Variants in EEA1 observed in about 807,000 individuals in gnomAD.
The protein encoded by EEA1 is early endosome antigen 1, 162kD.
Under a neutral mutation model 209.2 loss-of-function variants are expected in EEA1, and 111 were observed. The observed-to-expected ratio is 0.53, with a 90% CI of 0.45 to 0.62. EEA1 has a LOEUF of 0.62. EEA1 is among the 20% of genes least tolerant of loss of function. EEA1 has a pLI of 0.00. For synonymous variants in EEA1, 536 were observed against 540.6 expected (o/e 0.99, Z 0.12); for missense variants, 1,343 against 1,530.8 (o/e 0.88, Z 2.05).
chr12:92,888,970 T>C (rs1027121993), intron 2 of EEA1, among the ~76,000 whole-genome samples: 27 of 151,826 alleles, frequency 1.8e-4, no homozygotes, highest in African/African-American at 6.1e-4. Context: ...GTCAACATGG[T>C]GAAACCCTGT....
Position 92,857,441 on chromosome 12 carries a change from G to T in EEA1, c.290C>A (p.Ala97Asp). The T allele has an allele frequency of 1.3e-6, 2 of 1,597,600 alleles. No individual in the cohort carries two copies. The highest frequency in any genetic ancestry group is 1.2e-5 in the South Asian group (1 of 86,670). Residue 97 changes from alanine (A) to aspartate (D), a missense_variant, in exon 4 of 29, where the codon GCT becomes GAT. Around this residue, in one of 3 missense-constraint regions of EEA1, gnomAD observed 1,307 missense variants for 1,465.5 expected, o/e 0.89. Coordinates refer to ENST00000322349, the MANE Select transcript of EEA1 (RefSeq NM_003566.4). ...AATTTTTATTCTTACCTTAAGTGAA[G>T]CCTGTAGGTCTTGGACCTCTTGTCT... is the stretch of plus-strand genomic sequence containing the variant. ...LLRQEVQDLQ[A>D]SLKEEKWYSE...
chr12:92,926,036 C>A (rs1881201272), intron 1 of EEA1, among the ~76,000 whole-genome samples: 1 of 149,266 alleles, frequency 6.7e-6, no homozygotes, highest in African/African-American at 2.5e-5. Flanking sequence ...TCTTGTTGCT[C>A]AGGCTGGAGT....
At chr12:92,820,642 C>G (rs1418836880) in intron 13 of EEA1, among the ~76,000 whole-genome samples, 1 of 152,050 alleles carries the variant, frequency 6.6e-6, no homozygotes, top group Admixed American at 6.6e-5. Flanking sequence ...ATACCTAATG[C>G]ATGCGGGGCT....
chr12:92,907,933 C>T (rs780714636), intron 1 of EEA1, among the ~76,000 whole-genome samples: 36 of 152,254 alleles, frequency 2.4e-4, no homozygotes, highest in Non-Finnish European at 3.7e-4. Flanking sequence ...CACACCACTG[C>T]GCTCCAGCCT....
At chr12:92,848,771 C>T (rs1245728577) in intron 9 of EEA1, among the ~76,000 whole-genome samples, 1 of 124,666 alleles carries the variant, frequency 8.0e-6, no homozygotes, top group Admixed American at 9.4e-5. Context: ...CTGCCTCTAT[C>T]GCCCAGGCTA....
intron 6 of EEA1, among the ~76,000 whole-genome samples, chr12:92,853,660 T>G (rs920814735): frequency 8.5e-5 from 13 of 152,148 alleles, no homozygotes; most frequent in African/African-American, 2.9e-4. Flanking sequence ...AACAACCATA[T>G]TAATGTAATA....
At chr12:92,903,693 T>C (rs1309299327) in intron 1 of EEA1, among the ~76,000 whole-genome samples, 1 of 152,034 alleles carries the variant, frequency 6.6e-6, no homozygotes, top group African/African-American at 2.4e-5. Flanking sequence ...AAAGAATGTA[T>C]ATGATATAAA....
At chr12:92,846,351 ACT>A (rs1332073399) in intron 9 of EEA1, among the ~76,000 whole-genome samples, 13 of 152,190 alleles carry the variant, frequency 8.5e-5, no homozygotes, top group South Asian at 8.3e-4. Context: ...AAAAGTACAC[ACT>A]GAGCACATAA....
chr12:92,841,403 G>A (rs1877155996), intron 10 of EEA1, among the ~76,000 whole-genome samples: 1 of 152,118 alleles, frequency 6.6e-6, no homozygotes, highest in East Asian at 1.9e-4. Flanking sequence ...ACTAGGTTTA[G>A]CAATGATTTT....
chr12:92,793,947 AC>A (rs1874531027), intron 21 of EEA1, among the ~76,000 whole-genome samples: 1 of 152,228 alleles, frequency 6.6e-6, no homozygotes, highest in Non-Finnish European at 1.5e-5. Context: ...CAGGCAACCT[AC>A]AGAATGGGAG....
intron 21 of EEA1, among the ~76,000 whole-genome samples, chr12:92,789,887 A>C (rs1874318811): frequency 6.6e-6 from 1 of 152,200 alleles, no homozygotes; most frequent in Admixed American, 6.5e-5. Context: ...CAGACACCTC[A>C]TATAGGCAGC....
chr12:92,892,301 A>C (rs1221184986), intron 1 of EEA1, among the ~76,000 whole-genome samples: 1 of 152,124 alleles, frequency 6.6e-6, no homozygotes, highest in Non-Finnish European at 1.5e-5. Context: ...CATGTTGCCC[A>C]AGATGGTCTC....
rs970029012 is a variant in EEA1, at chr12:92,771,393, G to A, written c.*4618C>T. The A allele has an allele frequency of 8.6e-5, 13 of 152,044 alleles. No individual in the cohort carries two copies. The highest frequency in any genetic ancestry group is 1.8e-4 in the Non-Finnish European group (12 of 67,954). The allele number at this position is 152,044 out of a possible 1,614,324, so 9.4% of individuals were successfully genotyped here. On this transcript the variant is annotated 3_prime_UTR_variant, in exon 29 of 29. Transcript: ENST00000322349. ...TTCACTATGCAAACAAAGCAGTAAAGACAAGTGCAGCAGAAAGGCTTTTGT... is the reference window on the plus strand; with the variant it reads ...TTCACTATGCAAACAAAGCAGTAAAAACAAGTGCAGCAGAAAGGCTTTTGT...
intron 9 of EEA1, among the ~76,000 whole-genome samples, chr12:92,846,942 T>C (rs1479090356): frequency 6.6e-6 from 1 of 151,778 alleles, no homozygotes; most frequent in Non-Finnish European, 1.5e-5. Context: ...AAATGTTTAC[T>C]TGAGATTTTA....
At chr12:92,785,810 TAACAGTTGTAA>T (rs1463375864) in intron 22 of EEA1, among the ~76,000 whole-genome samples, 1 of 152,184 alleles carries the variant, frequency 6.6e-6, no homozygotes, top group African/African-American at 2.4e-5. Context: ...CAAGGTCCCT[TAACAGTTGTAA>T]AACTCTATGG....
At position 92,929,261 on chromosome 12, in the gene EEA1, G is replaced by C. The variant is rs1048276253; in HGVS notation, c.-195C>G. Reference sequence around the variant, plus strand: ...GGCGAGAGGGAGCACGCGAGAGAGAGCGAGCGAACGACTAGGCAGCCTGCG... The same window carrying C: ...GGCGAGAGGGAGCACGCGAGAGAGACCGAGCGAACGACTAGGCAGCCTGCG... On this transcript the variant is annotated 5_prime_UTR_variant, in exon 1 of 29. Transcript: ENST00000322349. The C allele has an allele frequency of 2.2e-6, 1 of 456,700 alleles. No homozygotes were observed. Among genetic ancestry groups the C allele is most frequent in the Non-Finnish European group, 3.8e-6 (1 of 261,576 alleles). 28.3% of individuals were successfully genotyped at this position (456,700 alleles called of 1,614,324 possible). A position where few individuals can be genotyped will look rare whatever the true frequency, so the allele number is the denominator to read the frequency against.
chr12:92,833,416 C>G (rs1460901699), intron 10 of EEA1, among the ~76,000 whole-genome samples: 11 of 152,064 alleles, frequency 7.2e-5, no homozygotes, highest in Admixed American at 7.2e-4. Flanking sequence ...AGCTAATCAC[C>G]TGCCTTAAAT....
In EEA1 at chr12:92,771,895, T is replaced by C. The variant is rs1873444108; in HGVS notation, c.*4116A>G. On this transcript the variant is annotated 3_prime_UTR_variant, in exon 29 of 29. Transcript: ENST00000322349. Reference sequence around the variant, plus strand: ...AGACTGACTAAATTAACAAAATATATAAAACAGCTCAAGAATATGCTGTAC... The same window carrying C: ...AGACTGACTAAATTAACAAAATATACAAAACAGCTCAAGAATATGCTGTAC... 1 of 151,880 alleles carries C rather than the reference T, an allele frequency of 6.6e-6. No homozygotes were observed. The highest frequency in any genetic ancestry group is 2.1e-4 in the South Asian group (1 of 4,826). 9.4% of individuals were successfully genotyped at this position (151,880 alleles called of 1,614,324 possible).
At chr12:92,844,207 TTAA>T (rs1877298071) in intron 9 of EEA1, among the ~76,000 whole-genome samples, 3 of 152,218 alleles carry the variant, frequency 2.0e-5, no homozygotes, top group African/African-American at 7.2e-5. Context: ...TGGGCTTATT[TTAA>T]TAACCATAAA....
Sources: gnomAD v4.1 joint callset for allele counts (sites outside exome capture counted in the v4.1 genomes callset) on GRCh38, gnomAD v4.1.1 for gene constraint, gnomAD v4.1.1 regional missense constraint, MANE v1.5 for transcripts, NCBI Gene and HGNC (gene_info 2026-07-23, HGNC 2026-07-21) for gene names.